Variants in LHX8 observed in about 807,000 individuals in gnomAD.
LHX8 encodes the protein LIM homeobox 8, also known as LIM/homeobox protein Lhx8.
A neutral mutation model predicts 40.3 loss-of-function variants in LHX8; 12 were observed. The ratio of observed to expected loss-of-function variants is 0.30; its 90% CI spans 0.19 to 0.48. The LOEUF is 0.48. Ranked by LOEUF, LHX8 falls within the 20% of genes least tolerant of loss-of-function variation. The pLI is 0.99. For synonymous variants in LHX8, 179 were observed against 162.0 expected (o/e 1.10, Z -0.80); for missense variants, 344 against 433.7 (o/e 0.79, Z 1.84).
intron 1 of LHX8, among the ~76,000 whole-genome samples, chr1:75,136,109 A>G (rs1370915445): frequency 2.0e-5 from 3 of 152,166 alleles, no homozygotes; most frequent in Admixed American, 6.5e-5. Context: ...TTTTTAAAAT[A>G]TATATGTGTC....
At chr1:75,149,974 G>T (rs527386049) in intron 7 of LHX8, among the ~76,000 whole-genome samples, 11 of 152,300 alleles carry the variant, frequency 7.2e-5, no homozygotes, top group African/African-American at 2.6e-4. Context: ...AGGCTCAGTT[G>T]CTCACACCTG....
intron 1 of LHX8, among the ~76,000 whole-genome samples, chr1:75,129,104 T>C (rs1341480587): frequency 2.0e-5 from 3 of 152,246 alleles, no homozygotes; most frequent in African/African-American, 4.8e-5. Context: ...TAATTCAACA[T>C]TGTGATTTTT....
intron 8 of LHX8, 36 bp downstream of exon 8, chr1:75,157,112 C>A (rs768388077): frequency 6.3e-6 from 10 of 1,583,056 alleles, no homozygotes; most frequent in Admixed American, 5.0e-5. Flanking sequence ...GTCTCCCAGG[C>A]AATCAGCAAC....
chr1:75,139,295 T>A (rs1648243523), intron 3 of LHX8, among the ~76,000 whole-genome samples: 1 of 152,102 alleles, frequency 6.6e-6, no homozygotes, highest in Non-Finnish European at 1.5e-5. Flanking sequence ...CAGAATCTCC[T>A]CTCTTCACCT....
chr1:75,160,603 G>T (rs1020137665), intron 8 of LHX8: 1 of 568,564 alleles, frequency 1.8e-6, no homozygotes, highest in Non-Finnish European at 3.1e-6. Context: ...GCAAAATCTT[G>T]TGGCCCCAAA....
In LHX8 at chr1:75,134,692, CCT is replaced by C. The variant is rs1648068721; in HGVS notation, c.-274_-273del. 6.6e-6 allele frequency among the ~76,000 whole-genome samples: 1 copy of C among 152,060 alleles called. No homozygotes were observed. Among genetic ancestry groups the C allele is most frequent in the Non-Finnish European group, 1.5e-5 (1 of 68,016 alleles). ...GGACGTGCCGGAGCTGGCAGTTCCC[CCT>C]GAGAAGGTGAGCGAGCCGACGCCTG... is the stretch of plus-strand genomic sequence containing the variant. On this transcript the variant is annotated 5_prime_UTR_variant, in exon 1 of 9. It removes the in-frame stop codon of an upstream open reading frame in the 5' UTR. Transcript: ENST00000356261.
At chr1:75,178,657 T>G in the LHX8 span, among the ~76,000 whole-genome samples, 1 of 152,216 alleles carries the variant, frequency 6.6e-6, no homozygotes, top group Non-Finnish European at 1.5e-5. Flanking sequence ...AAGGGTTTTC[T>G]GTGTCTCTAT....
the LHX8 span, among the ~76,000 whole-genome samples, chr1:75,169,799 C>T: frequency 1.3e-5 from 2 of 152,206 alleles, no homozygotes; most frequent in African/African-American, 4.8e-5. Flanking sequence ...ATCTTGATTG[C>T]CTTTCGTGGC....
At chr1:75,131,158 C>A (rs1647949635), upstream of LHX8, 1 of 288,054 alleles carries the variant, frequency 3.5e-6, no homozygotes, top group Admixed American at 4.2e-5. Flanking sequence ...CTCTCAGGCT[C>A]CAGCTGTGCC....
At chr1:75,155,997 CTT>C (rs200891522) in intron 7 of LHX8, among the ~76,000 whole-genome samples, 145 of 130,396 alleles carry the variant, frequency 1.1e-3, no homozygotes, top group East Asian at 5.5e-3. Flanking sequence ...ATTTAGTAGT[CTT>C]TTTTTTTTTT....
chr1:75,176,789 G>T, the LHX8 span, among the ~76,000 whole-genome samples: 1 of 152,064 alleles, frequency 6.6e-6, no homozygotes, highest in African/African-American at 2.4e-5. Context: ...TTTCTTCTAG[G>T]GTTTTTATGG....
the LHX8 span, among the ~76,000 whole-genome samples, chr1:75,176,129 C>A: frequency 6.6e-6 from 1 of 152,206 alleles, no homozygotes; most frequent in Non-Finnish European, 1.5e-5. Context: ...CCACAATAAA[C>A]ATACATGTGC....
At chr1:75,170,156 T>G in the LHX8 span, among the ~76,000 whole-genome samples, 9 of 152,234 alleles carry the variant, frequency 5.9e-5, no homozygotes, top group African/African-American at 2.2e-4. Flanking sequence ...AAGACTTCAG[T>G]GCTTCTGGGC....
chr1:75,152,988 C>T (rs890631664), intron 7 of LHX8, among the ~76,000 whole-genome samples: 1 of 152,172 alleles, frequency 6.6e-6, no homozygotes, highest in African/African-American at 2.4e-5. Flanking sequence ...TTAATCCTAT[C>T]TGTCATGTTA....
chr1:75,135,407 G>T (rs1336089057), intron 1 of LHX8, among the ~76,000 whole-genome samples: 2 of 152,242 alleles, frequency 1.3e-5, no homozygotes, highest in South Asian at 2.1e-4. Flanking sequence ...GAGCTGTTCT[G>T]TTTAAACGCC....
At chr1:75,154,402 T>TC (rs894804395) in intron 7 of LHX8, among the ~76,000 whole-genome samples, 73 of 149,488 alleles carry the variant, frequency 4.9e-4, no homozygotes, top group African/African-American at 1.7e-3. Context: ...TTTTTTTTTT[T>TC]CAATCAAAAG....
the LHX8 span, among the ~76,000 whole-genome samples, chr1:75,185,126 A>C: frequency 1.5e-5 from 2 of 133,146 alleles, no homozygotes; most frequent in African/African-American, 7.8e-5. Flanking sequence ...CCTACTAGCC[A>C]AAAAAAAAGC....
chr1:75,138,826 AAGTT>A (rs1280516927), intron 3 of LHX8, among the ~76,000 whole-genome samples: 35 of 152,042 alleles, frequency 2.3e-4, no homozygotes, highest in Non-Finnish European at 4.6e-4. Flanking sequence ...ATAAAAATCT[AAGTT>A]AAGTGAGTTA....
the LHX8 span, among the ~76,000 whole-genome samples, chr1:75,174,755 A>G: frequency 6.6e-6 from 1 of 152,258 alleles, no homozygotes; most frequent in Non-Finnish European, 1.5e-5. Flanking sequence ...AGTGCATGGT[A>G]GCAGATAGAA....
Sources: allele counts gnomAD v4.1 joint callset (sites outside exome capture counted in the v4.1 genomes callset), GRCh38; gene constraint gnomAD v4.1.1; transcripts MANE v1.5; gene names NCBI Gene and HGNC (gene_info 2026-07-23, HGNC 2026-07-21).